Variants in CYP2C19 observed in about 807,000 individuals in gnomAD.
CYP2C19 encodes cytochrome P450 family 2 subfamily C member 19, also known as cytochrome P450 2C19.
A neutral mutation model predicts 40.9 loss-of-function variants in CYP2C19; 59 were observed. That is an observed-to-expected ratio of 1.44 (90% CI 1.17 to 1.79). CYP2C19 has a LOEUF of 1.79. CYP2C19 is among the 40% of genes most tolerant of loss of function. CYP2C19 has a pLI of 0.00. For missense variants in CYP2C19, 754 were observed against 596.9 expected, an observed-to-expected ratio of 1.26 and a Z score of -2.74; for synonymous variants, 253 against 208.7, an observed-to-expected ratio of 1.21 and a Z score of -1.83.
chr10:94,775,103 G>A lies in CYP2C19; in HGVS notation c.214G>A (p.Glu72Lys), dbSNP rs1848388435. The A allele has an allele frequency of 2.5e-6, 4 of 1,614,114 alleles. No individual in the cohort carries two copies. Among genetic ancestry groups the A allele is most frequent in the Non-Finnish European group, 3.4e-6 (4 of 1,180,026 alleles). The change falls in exon 2 of 9, where the codon GAA (glutamate) becomes AAA (lysine). Residue 72 changes from glutamate (E) to lysine (K), a missense_variant. Coordinates refer to ENST00000371321, the MANE Select transcript of CYP2C19 (RefSeq NM_000769.4). ...GPVFTLYFGLERMVVLHGYEV... is the reference protein window; with the variant it reads ...GPVFTLYFGLKRMVVLHGYEV... ...TGTGTTCACTCTGTATTTTGGCCTG[G>A]AACGCATGGTGGTGCTGCATGGATA...
At chr10:94,832,078 G>C (rs1034522974) in intron 6 of CYP2C19, among the ~76,000 whole-genome samples, 1 of 152,084 alleles carries the variant, frequency 6.6e-6, no homozygotes, top group South Asian at 2.1e-4. Flanking sequence ...GTTGATTTTT[G>C]TATGTGGCAA....
At chr10:94,827,393 G>A (rs1849245680) in intron 6 of CYP2C19, among the ~76,000 whole-genome samples, 1 of 151,916 alleles carries the variant, frequency 6.6e-6, no homozygotes. Context: ...AGTCTTGGGA[G>A]AGTGTATGTG....
At chr10:94,811,088 G>C (rs1288358344) in intron 5 of CYP2C19, among the ~76,000 whole-genome samples, 3 of 152,094 alleles carry the variant, frequency 2.0e-5, no homozygotes, top group African/African-American at 7.2e-5. Context: ...CTGTGTCCTT[G>C]TTCTCATTGG....
chr10:94,814,353 G>A (rs1848969959), intron 5 of CYP2C19, among the ~76,000 whole-genome samples: 1 of 151,864 alleles, frequency 6.6e-6, no homozygotes, highest in African/African-American at 2.4e-5. Context: ...TGTCCCTTTG[G>A]TGGTGCCATA....
At chr10:94,776,646 T>C (rs1464839271) in intron 3 of CYP2C19, among the ~76,000 whole-genome samples, 1 of 152,144 alleles carries the variant, frequency 6.6e-6, no homozygotes, top group African/African-American at 2.4e-5. Context: ...TAAAGTTTAA[T>C]ATTTCAAAAT....
intron 5 of CYP2C19, among the ~76,000 whole-genome samples, chr10:94,792,137 T>C (rs1848613192): frequency 6.6e-6 from 1 of 152,304 alleles, no homozygotes; most frequent in South Asian, 2.1e-4. Context: ...TTGTCTCTTT[T>C]GATCTTTGTT....
chr10:94,851,490 A>G (rs1021676317), intron 8 of CYP2C19, among the ~76,000 whole-genome samples: 2 of 139,884 alleles, frequency 1.4e-5, no homozygotes, highest in African/African-American at 5.4e-5. Flanking sequence ...AAATAAATAA[A>G]TAAGAAATAA....
chr10:94,828,677 T>G (rs2134275703), intron 6 of CYP2C19, among the ~76,000 whole-genome samples: 1 of 150,720 alleles, frequency 6.6e-6, no homozygotes, highest in South Asian at 2.1e-4. Flanking sequence ...AAAGTTAATA[T>G]TGTTATGTGT....
chr10:94,795,047 C>T (rs1332824353), intron 5 of CYP2C19, among the ~76,000 whole-genome samples: 1 of 151,696 alleles, frequency 6.6e-6, no homozygotes, highest in East Asian at 1.9e-4. Context: ...GGTACATGTG[C>T]ACAATGTGCA....
intron 8 of CYP2C19, among the ~76,000 whole-genome samples, chr10:94,851,154 C>T (rs1419362785): frequency 6.6e-6 from 1 of 151,972 alleles, no homozygotes; most frequent in East Asian, 1.9e-4. Flanking sequence ...ACAGGCTGTA[C>T]AGGAAGAATG....
Position 94,852,971 on chromosome 10 carries a change from G to A in CYP2C19, c.*57G>A. On this transcript the variant is annotated 3_prime_UTR_variant, in exon 9 of 9. Transcript: ENST00000371321. ...TGTCCCTGCAGCTCTCTTTCCTCTG[G>A]TCCAAATTTCACTATCTGTGATGCT... 3 of 1,574,606 alleles carry A rather than the reference G, an allele frequency of 1.9e-6. No individual in the cohort carries two copies. The highest frequency in any genetic ancestry group is 2.6e-6 in the Non-Finnish European group (3 of 1,151,016).
chr10:94,827,275 G>C (rs111562114), intron 6 of CYP2C19, among the ~76,000 whole-genome samples: 1 of 152,074 alleles, frequency 6.6e-6, no homozygotes, highest in African/African-American at 2.4e-5. Flanking sequence ...GAATTCGGCT[G>C]TGAATCCGTC....
chr10:94,798,123 T>C (rs1202573680), intron 5 of CYP2C19, among the ~76,000 whole-genome samples: 2 of 152,186 alleles, frequency 1.3e-5, no homozygotes, highest in South Asian at 2.1e-4. Flanking sequence ...CTCTTGTGCA[T>C]ATTTAGTGCT....
intron 3 of CYP2C19, among the ~76,000 whole-genome samples, chr10:94,779,967 T>A (rs1848460834): frequency 1.3e-5 from 2 of 152,226 alleles, no homozygotes; most frequent in African/African-American, 4.8e-5. Context: ...TATTCATTTA[T>A]GTTTGTATTT....
At chr10:94,813,490 G>A (rs778257594) in intron 5 of CYP2C19, among the ~76,000 whole-genome samples, 1 of 152,010 alleles carries the variant, frequency 6.6e-6, no homozygotes, top group Non-Finnish European at 1.5e-5. Context: ...CAGAGAGTAG[G>A]AATCTAGAGG....
chr10:94,774,132 A>G (rs1479839050), intron 1 of CYP2C19: 1 of 152,222 alleles, frequency 6.6e-6, no homozygotes, highest in Non-Finnish European at 1.5e-5. Context: ...CCCGACACAG[A>G]AGCCCAGATG....
intron 5 of CYP2C19, among the ~76,000 whole-genome samples, chr10:94,816,587 T>G (rs1182288871): frequency 6.6e-6 from 1 of 152,136 alleles, no homozygotes; most frequent in Non-Finnish European, 1.5e-5. Flanking sequence ...TTCTTTTTTT[T>G]TTTATTATAC....
At chr10:94,824,562 T>A (rs1006938776) in intron 6 of CYP2C19, among the ~76,000 whole-genome samples, 2 of 152,202 alleles carry the variant, frequency 1.3e-5, no homozygotes, top group African/African-American at 4.8e-5. Flanking sequence ...AACTTAATGT[T>A]TAAACGTGTT....
chr10:94,821,577 T>C (rs1388803455), intron 6 of CYP2C19, among the ~76,000 whole-genome samples: 1 of 152,218 alleles, frequency 6.6e-6, no homozygotes, highest in Non-Finnish European at 1.5e-5. Context: ...TGGTGTTGGA[T>C]AAAATAAGAA....
Sources: allele counts gnomAD v4.1 joint callset (sites outside exome capture counted in the v4.1 genomes callset), GRCh38; gene constraint gnomAD v4.1.1; transcripts MANE v1.5; gene names NCBI Gene and HGNC (gene_info 2026-07-23, HGNC 2026-07-21).